PLXDC2: variants seen among roughly 807,000 people sequenced by gnomAD.
PLXDC2 encodes plexin domain-containing protein 2.
PLXDC2 carries 40 observed loss-of-function variants against 68.9 expected under a neutral mutation model. The ratio of observed to expected loss-of-function variants is 0.58; its 90% CI spans 0.45 to 0.76. The LOEUF (loss-of-function observed/expected upper bound fraction) is 0.76. PLXDC2 is among the 30% of genes least tolerant of loss of function. The probability of loss-of-function intolerance (pLI) is 0.00; values close to 1 mark genes in which losing one functional copy is unlikely to be tolerated. For synonymous variants in PLXDC2, 243 were observed against 234.2 expected (o/e 1.04, Z -0.34); for missense variants, 644 against 661.9 (o/e 0.97, Z 0.30).
intron 12 of PLXDC2, among the ~76,000 whole-genome samples, chr10:20,232,012 A>AG (rs1011061664): frequency 3.3e-5 from 5 of 152,128 alleles, no homozygotes; most frequent in Non-Finnish European, 5.9e-5. Flanking sequence ...TCTCAAAAAA[A>AG]AAAAAATTAA....
In PLXDC2 at chr10:19,860,362, C is replaced by G. The variant is rs80132402; in HGVS notation, c.112+43171C>G. 4.1e-3 allele frequency among the ~76,000 whole-genome samples: 622 copies of G among 152,280 alleles called. 11 individuals carry two copies. Among genetic ancestry groups the G allele is most frequent in the East Asian group, 0.031 (159 of 5,170 alleles). On this transcript the variant is annotated intron_variant, in intron 1 of 13. Transcript: ENST00000377252. Reference sequence around the variant, plus strand: ...CCATGGTACTAAGATTTTCCAGCAGCAAGAATGCCTGGCATAGGGTCCAAT... The same window carrying G: ...CCATGGTACTAAGATTTTCCAGCAGGAAGAATGCCTGGCATAGGGTCCAAT...
intron 4 of PLXDC2, among the ~76,000 whole-genome samples, chr10:20,128,697 C>G (rs1833825581): frequency 6.6e-6 from 1 of 152,144 alleles, no homozygotes; most frequent in Admixed American, 6.6e-5. Context: ...CCATTCTACT[C>G]TCTGATTCTA....
At chr10:20,212,142 A>G (rs1385104044) in intron 10 of PLXDC2, among the ~76,000 whole-genome samples, 3 of 151,846 alleles carry the variant, frequency 2.0e-5, no homozygotes, top group African/African-American at 7.3e-5. Context: ...GTAAATGGCT[A>G]GGGAATAGTA....
intron 2 of PLXDC2, among the ~76,000 whole-genome samples, chr10:20,026,062 G>A (rs1177711032): frequency 6.6e-6 from 1 of 151,986 alleles, no homozygotes; most frequent in Non-Finnish European, 1.5e-5. Context: ...CTCTAATGTA[G>A]AGTATTCGAT....
intron 1 of PLXDC2, among the ~76,000 whole-genome samples, chr10:19,841,583 A>T (rs952107054): frequency 7.1e-6 from 1 of 140,364 alleles, no homozygotes; most frequent in South Asian, 2.2e-4. Context: ...TCTATCTATC[A>T]TCTTTTCCCC....
intron 1 of PLXDC2, among the ~76,000 whole-genome samples, chr10:19,916,609 A>G (rs1833371298): frequency 6.6e-6 from 1 of 152,194 alleles, no homozygotes; most frequent in Non-Finnish European, 1.5e-5. Flanking sequence ...GTCACACTTT[A>G]GGAAATGATT....
intron 1 of PLXDC2, among the ~76,000 whole-genome samples, chr10:19,839,804 T>G (rs771975777): frequency 6.6e-6 from 1 of 152,180 alleles, no homozygotes; most frequent in East Asian, 1.9e-4. Flanking sequence ...TGGGCATACA[T>G]CCATTTACTT....
At chr10:19,819,798 A>G (rs1018375825) in intron 1 of PLXDC2, among the ~76,000 whole-genome samples, 3 of 152,160 alleles carry the variant, frequency 2.0e-5, no homozygotes, top group African/African-American at 7.2e-5. Flanking sequence ...ATTTACTTTG[A>G]AATATTACTC....
intron 1 of PLXDC2, among the ~76,000 whole-genome samples, chr10:19,872,368 T>C (rs1014151538): frequency 5.3e-5 from 8 of 152,160 alleles, no homozygotes; most frequent in South Asian, 2.1e-4. Context: ...TTAGAAGCCA[T>C]GATAGGTCAA....
intron 1 of PLXDC2, among the ~76,000 whole-genome samples, chr10:19,946,893 G>C (rs1231142470): frequency 6.6e-6 from 1 of 152,068 alleles, no homozygotes; most frequent in Admixed American, 6.6e-5. Flanking sequence ...GAGTGACGAG[G>C]AGTAGCTGCA....
At chr10:20,001,527 C>T (rs953594945) in intron 1 of PLXDC2, among the ~76,000 whole-genome samples, 1 of 141,690 alleles carries the variant, frequency 7.1e-6, no homozygotes, top group African/African-American at 2.4e-5. Context: ...GGCTGCACAT[C>T]TGTTTTTAAA....
chr10:19,962,022 T>C (rs1834161364), intron 1 of PLXDC2, among the ~76,000 whole-genome samples: 1 of 152,202 alleles, frequency 6.6e-6, no homozygotes, highest in Non-Finnish European at 1.5e-5. Flanking sequence ...TTGCCTTTTA[T>C]CATGCGGAAA....
At chr10:19,935,658 C>T (rs1194504155) in intron 1 of PLXDC2, among the ~76,000 whole-genome samples, 1 of 152,214 alleles carries the variant, frequency 6.6e-6, no homozygotes, top group Admixed American at 6.5e-5. Context: ...AACACTGATG[C>T]ATTGACCTGC....
chr10:19,853,882 C>T (rs1448886034), intron 1 of PLXDC2, among the ~76,000 whole-genome samples: 1 of 152,064 alleles, frequency 6.6e-6, no homozygotes, highest in Non-Finnish European at 1.5e-5. Flanking sequence ...TCTCTTTGGT[C>T]CAAATTTACC....
chr10:20,258,732 G>A (rs1835773792), intron 13 of PLXDC2, among the ~76,000 whole-genome samples: 1 of 152,068 alleles, frequency 6.6e-6, no homozygotes, highest in Non-Finnish European at 1.5e-5. Context: ...TTCTGGCCGG[G>A]TGCGGTGGCT....
In PLXDC2 at chr10:20,158,310, G is replaced by C. The variant is rs115015564; in HGVS notation, c.784-6158G>C. On this transcript the variant is annotated intron_variant, in intron 6 of 13. Transcript: ENST00000377252. ...AAATACAGAGTCTTCTATAAAATAC[G>C]TGATCATGACAATAACATGTTCATT... Among the ~76,000 whole-genome samples the C allele has an allele frequency of 9.8e-3, 1,492 of 151,996 alleles. 18 individuals are homozygous for C. Among genetic ancestry groups the C allele is most frequent in the African/African-American group, 0.031 (1,271 of 41,460 alleles).
intron 12 of PLXDC2, among the ~76,000 whole-genome samples, chr10:20,243,436 T>C (rs1835545545): frequency 6.6e-6 from 1 of 152,162 alleles, no homozygotes; most frequent in African/African-American, 2.4e-5. Flanking sequence ...TTCTGTTACA[T>C]AAGGGAAATC....
At chr10:20,250,401 T>G (rs1835660373) in intron 13 of PLXDC2, among the ~76,000 whole-genome samples, 1 of 152,176 alleles carries the variant, frequency 6.6e-6, no homozygotes, top group African/African-American at 2.4e-5. Flanking sequence ...TTCCCCATTA[T>G]AAACATATTA....
chr10:20,284,330 T>TATACATATACAC lies in PLXDC2; in HGVS notation c.*4512_*4513insTACATATACACA, dbSNP rs1484131963. 7.9e-6 allele frequency: 1 copy of TATACATATACAC among 126,338 alleles called. No individual in the cohort carries two copies. The highest frequency in any genetic ancestry group is 8.4e-5 in the Admixed American group (1 of 11,928). The allele number at this position is 126,338 out of a possible 1,614,324, so 7.8% of individuals were successfully genotyped here. On this transcript the variant is annotated 3_prime_UTR_variant, in exon 14 of 14. Coordinates refer to ENST00000377252, the MANE Select transcript of PLXDC2 (RefSeq NM_032812.9). Reference sequence around the variant, plus strand: ...AAATATACATATATATATATATATATACACACACACACACACACACACAAA... The same window carrying TATACATATACAC: ...AAATATACATATATATATATATATATATACATATACACACACACACACACACACACACACAAA...
Sources: gnomAD v4.1 joint callset for allele counts (sites outside exome capture counted in the v4.1 genomes callset) on GRCh38, gnomAD v4.1.1 for gene constraint, MANE v1.5 for transcripts, NCBI Gene and HGNC (gene_info 2026-07-23, HGNC 2026-07-21) for gene names.